EXT2: variants seen among roughly 807,000 people sequenced by gnomAD.
EXT2 encodes exostosin-2.
A neutral mutation model predicts 81.6 loss-of-function variants in EXT2; 53 were observed. That is an observed-to-expected ratio of 0.65 (90% CI 0.52 to 0.82). The LOEUF (loss-of-function observed/expected upper bound fraction) is 0.82. EXT2 is among the 40% of genes least tolerant of loss of function. The pLI, the probability that EXT2 is intolerant of heterozygous loss-of-function variation, is 0.00. For synonymous variants in EXT2, 320 were observed against 340.0 expected, an observed-to-expected ratio of 0.94 and a Z score of 0.65; for missense variants, 774 against 910.2, an observed-to-expected ratio of 0.85 and a Z score of 1.93.
At chr11:44,209,860 T>G (rs926729526) in intron 10 of EXT2, among the ~76,000 whole-genome samples, 8 of 152,236 alleles carry the variant, frequency 5.3e-5, no homozygotes, top group African/African-American at 1.7e-4. Context: ...CCTTCTAGAA[T>G]GTAAGCACCA....
intron 13 of EXT2, among the ~76,000 whole-genome samples, chr11:44,243,582 ATGAAG>A (rs1223142457): frequency 6.7e-6 from 1 of 148,384 alleles, no homozygotes; most frequent in Non-Finnish European, 1.5e-5. Flanking sequence ...GGTTGAATGA[ATGAAG>A]TGTTTATTGT....
chr11:44,134,073 A>C (rs1463800649), intron 7 of EXT2, among the ~76,000 whole-genome samples: 1 of 152,234 alleles, frequency 6.6e-6, no homozygotes, highest in Non-Finnish European at 1.5e-5. Context: ...TCTATTCCTG[A>C]AGGCCACCAG....
intron 10 of EXT2, among the ~76,000 whole-genome samples, chr11:44,212,532 T>C (rs1362502237): frequency 6.6e-6 from 1 of 152,106 alleles, no homozygotes; most frequent in Non-Finnish European, 1.5e-5. Context: ...CTTGAACTCA[T>C]ACATTACTGG....
At chr11:44,201,574 T>C (rs1253998899) in intron 9 of EXT2, among the ~76,000 whole-genome samples, 3 of 152,214 alleles carry the variant, frequency 2.0e-5, no homozygotes, top group African/African-American at 7.2e-5. Context: ...TAAGCCCCTC[T>C]GTGTCTATTT....
chr11:44,155,928 T>G (rs1954850162), intron 7 of EXT2, among the ~76,000 whole-genome samples: 1 of 152,216 alleles, frequency 6.6e-6, no homozygotes, highest in Non-Finnish European at 1.5e-5. Flanking sequence ...GGTCTAGTGT[T>G]GATGAAATCC....
In EXT2 at chr11:44,226,279, C is replaced by T. The variant is rs183416084; in HGVS notation, c.1663-6074C>T. On this transcript the variant is annotated intron_variant, in intron 10 of 13. Coordinates refer to ENST00000533608, the MANE Select transcript of EXT2 (RefSeq NM_207122.2). ...GTGGCTTATTTTAAGCAAGCTCCTG[C>T]CTGGGGTTGGGAAGGTCTCTCGGAC... Among the ~76,000 whole-genome samples, 271 of 152,268 alleles carry T rather than the reference C, an allele frequency of 1.8e-3. 3 individuals carry two copies. The highest frequency in any genetic ancestry group is 8.3e-4 in the South Asian group (4 of 4,816).
At chr11:44,217,948 G>T (rs920516757) in intron 10 of EXT2, among the ~76,000 whole-genome samples, 1 of 152,128 alleles carries the variant, frequency 6.6e-6, no homozygotes, top group South Asian at 2.1e-4. Flanking sequence ...AATGCTCTTG[G>T]CTAAGAATAT....
At chr11:44,141,396 C>T (rs1389586065) in intron 7 of EXT2, among the ~76,000 whole-genome samples, 1 of 152,146 alleles carries the variant, frequency 6.6e-6, no homozygotes. Flanking sequence ...AAGGGACCAA[C>T]TGTAATTGTA....
rs571902670 is a variant in EXT2 at position 44,227,101 on chromosome 11, G to A, written c.1663-5252G>A. ...GTGGCTTTTCTCCTAGTGCTGGCCC[G>A]TGATTTCATAACTGAACGTCCCAGA... On this transcript the variant is annotated intron_variant, in intron 10 of 13. Transcript: ENST00000533608. 9.9e-5 allele frequency among the ~76,000 whole-genome samples: 15 copies of A among 152,238 alleles called. No individual in the cohort carries two copies. In the South Asian group the frequency reaches 1.7e-3, roughly 17 times the overall value.
chr11:44,149,370 T>C (rs1283374711), intron 7 of EXT2, among the ~76,000 whole-genome samples: 2 of 152,160 alleles, frequency 1.3e-5, no homozygotes, highest in East Asian at 3.9e-4. Context: ...TTAAAAACAG[T>C]TGGAGTTTGG....
intron 4 of EXT2, among the ~76,000 whole-genome samples, chr11:44,119,169 T>TATATGG (rs1192115471): frequency 1.6e-5 from 1 of 63,130 alleles, no homozygotes; most frequent in Non-Finnish European, 3.1e-5. Flanking sequence ...TATATATATA[T>TATATGG]ACACATACAC....
chr11:44,109,583 T>C (rs1954113042), intron 3 of EXT2, among the ~76,000 whole-genome samples: 1 of 152,162 alleles, frequency 6.6e-6, no homozygotes, highest in South Asian at 2.1e-4. Flanking sequence ...TCTCTCTGAA[T>C]TCGGGAGCAT....
chr11:44,113,362 C>T (rs190803227), intron 3 of EXT2, among the ~76,000 whole-genome samples: 15 of 152,202 alleles, frequency 9.9e-5, no homozygotes, highest in African/African-American at 3.1e-4. Flanking sequence ...AAAGTGATTT[C>T]GATGGGTTTG....
intron 7 of EXT2, among the ~76,000 whole-genome samples, chr11:44,137,532 G>A (rs1312675215): frequency 6.6e-6 from 1 of 151,216 alleles, no homozygotes; most frequent in African/African-American, 2.4e-5. Flanking sequence ...AAATTTAGGA[G>A]AATTAGGGTC....
chr11:44,175,370 TTTTTTCTTTTTTTTC>T (rs1403027361), intron 8 of EXT2, among the ~76,000 whole-genome samples: 3 of 152,108 alleles, frequency 2.0e-5, no homozygotes, highest in East Asian at 1.9e-4. Flanking sequence ...ACCTTTCTTT[TTTTTTCTTTTTTTTC>T]TTTTTCTTTT....
At chr11:44,242,111 G>A (rs1956044393) in intron 13 of EXT2, among the ~76,000 whole-genome samples, 1 of 152,180 alleles carries the variant, frequency 6.6e-6, no homozygotes, top group Non-Finnish European at 1.5e-5. Context: ...CCTTGGAACC[G>A]CTATCCTCTG....
At chr11:44,174,195 A>G (rs1955122810) in intron 8 of EXT2, among the ~76,000 whole-genome samples, 1 of 152,090 alleles carries the variant, frequency 6.6e-6, no homozygotes, top group African/African-American at 2.4e-5. Context: ...AGATAATTCT[A>G]TTTGTATTTT....
At chr11:44,135,502 G>A (rs757101455) in intron 7 of EXT2, among the ~76,000 whole-genome samples, 21 of 149,384 alleles carry the variant, frequency 1.4e-4, no homozygotes, top group Admixed American at 8.1e-4. Flanking sequence ...AGTGATTCTC[G>A]TGCCTCAGCC....
intron 7 of EXT2, among the ~76,000 whole-genome samples, chr11:44,141,454 A>C (rs77018608): frequency 0.011 from 1,664 of 152,314 alleles, 21 homozygotes; most frequent in East Asian, 0.03. Flanking sequence ...CCAAACTCCA[A>C]AGTGGTAGAA....
Sources: allele counts gnomAD v4.1 joint callset (sites outside exome capture counted in the v4.1 genomes callset), GRCh38; gene constraint gnomAD v4.1.1; transcripts MANE v1.5; gene names NCBI Gene and HGNC (gene_info 2026-07-23, HGNC 2026-07-21).